Variants in OR1J2 observed in about 807,000 individuals in gnomAD.
OR1J2 encodes the protein olfactory receptor family 1 subfamily J member 2.
For missense variants in OR1J2, 304 were observed against 246.1 expected (o/e 1.24, Z -1.57); for synonymous variants, 142 against 99.7 (o/e 1.42, Z -2.52).
the OR1J2 span, chr9:122,477,751 A>T: frequency 3.1e-6 from 5 of 1,614,122 alleles, no homozygotes. Context: ...GAAGAAGTAC[A>T]TGGGGGTGTG....
chr9:122,532,902 CA>C, the OR1J2 span, among the ~76,000 whole-genome samples: 1 of 151,974 alleles, frequency 6.6e-6, no homozygotes, highest in Non-Finnish European at 1.5e-5. Context: ...ACACGATCAG[CA>C]GGGAGAGCAC....
At chr9:122,468,742 G>C in the OR1J2 span, among the ~76,000 whole-genome samples, 1 of 152,216 alleles carries the variant, frequency 6.6e-6, no homozygotes, top group Non-Finnish European at 1.5e-5. Flanking sequence ...CTCCCTGACT[G>C]TGTTTTTTCC....
the OR1J2 span, among the ~76,000 whole-genome samples, chr9:122,479,221 C>T: frequency 6.6e-6 from 1 of 152,190 alleles, no homozygotes; most frequent in Non-Finnish European, 1.5e-5. Flanking sequence ...TGAGATTTCA[C>T]ATTCAGTGGA....
At chr9:122,503,475 C>T in the OR1J2 span, among the ~76,000 whole-genome samples, 3 of 152,330 alleles carry the variant, frequency 2.0e-5, no homozygotes, top group Non-Finnish European at 2.9e-5. Context: ...TCTACCTCCA[C>T]GGCCACAGGA....
At chr9:122,472,596 C>G in the OR1J2 span, among the ~76,000 whole-genome samples, 1 of 152,150 alleles carries the variant, frequency 6.6e-6, no homozygotes, top group African/African-American at 2.4e-5. Context: ...TTCAAAGACC[C>G]AAAGTTCATA....
At chr9:122,520,856 G>C in the OR1J2 span, among the ~76,000 whole-genome samples, 2 of 152,172 alleles carry the variant, frequency 1.3e-5, no homozygotes, top group Non-Finnish European at 2.9e-5. Flanking sequence ...ATATGCCCAA[G>C]TCATCTTTTA....
the OR1J2 span, among the ~76,000 whole-genome samples, chr9:122,533,817 C>T: frequency 6.6e-6 from 1 of 151,984 alleles, no homozygotes; most frequent in Non-Finnish European, 1.5e-5. Context: ...ACGGACTTAC[C>T]CTCCACTCTG....
chr9:122,541,620 C>T, the OR1J2 span, among the ~76,000 whole-genome samples: 1 of 152,158 alleles, frequency 6.6e-6, no homozygotes, highest in African/African-American at 2.4e-5. Flanking sequence ...AAATGCACAG[C>T]CCTTTATCTA....
the OR1J2 span, among the ~76,000 whole-genome samples, chr9:122,525,872 A>T: frequency 6.6e-6 from 1 of 152,206 alleles, no homozygotes; most frequent in Non-Finnish European, 1.5e-5. Context: ...TTAATGCCAC[A>T]AACAAAACAA....
chr9:122,545,604 T>C, the OR1J2 span, among the ~76,000 whole-genome samples: 1 of 152,112 alleles, frequency 6.6e-6, no homozygotes, highest in South Asian at 2.1e-4. Flanking sequence ...TGTCTTGAAG[T>C]CTATATTGTC....
chr9:122,551,891 C>A, the OR1J2 span, among the ~76,000 whole-genome samples: 2 of 152,040 alleles, frequency 1.3e-5, no homozygotes, highest in African/African-American at 4.8e-5. Flanking sequence ...ACTCAATAGA[C>A]CCCGACTTTA....
chr9:122,548,344 G>A, the OR1J2 span, among the ~76,000 whole-genome samples: 1 of 152,124 alleles, frequency 6.6e-6, no homozygotes, highest in Non-Finnish European at 1.5e-5. Context: ...TTAATCTCAA[G>A]TTCTGTCCTT....
chr9:122,481,475 T>C, the OR1J2 span, among the ~76,000 whole-genome samples: 1 of 151,554 alleles, frequency 6.6e-6, no homozygotes, highest in African/African-American at 2.4e-5. Flanking sequence ...AGAGAACTCC[T>C]ATAAATCAAT....
At chr9:122,559,186 C>T in the OR1J2 span, among the ~76,000 whole-genome samples, 1 of 152,246 alleles carries the variant, frequency 6.6e-6, no homozygotes, top group African/African-American at 2.4e-5. Context: ...TGTTGACTAA[C>T]CTATCCCTGT....
At chr9:122,489,647 G>C in the OR1J2 span, among the ~76,000 whole-genome samples, 1 of 152,208 alleles carries the variant, frequency 6.6e-6, no homozygotes, top group Non-Finnish European at 1.5e-5. Context: ...TTGAAATAGA[G>C]ATTTCTCCGA....
upstream of OR1J2, among the ~76,000 whole-genome samples, chr9:122,507,121 CTGTT>C (rs957610995): frequency 1.4e-4 from 21 of 152,186 alleles, no homozygotes; most frequent in Admixed American, 4.6e-4. Context: ...TTTCAAGGGT[CTGTT>C]TGTTGAATGA....
At chr9:122,542,795 T>C in the OR1J2 span, among the ~76,000 whole-genome samples, 3,772 of 152,290 alleles carry the variant, frequency 0.025, 168 homozygotes, top group African/African-American at 0.087. Context: ...CCAAGTCCCA[T>C]GCGGCCAGCC....
chr9:122,508,109 G>A (rs1001751836), upstream of OR1J2, among the ~76,000 whole-genome samples: 2 of 149,428 alleles, frequency 1.3e-5, no homozygotes, highest in African/African-American at 5.0e-5. Context: ...AGGGAGGGAA[G>A]GAGGGAGAGT....
the OR1J2 span, among the ~76,000 whole-genome samples, chr9:122,537,277 A>G: frequency 4.6e-5 from 7 of 152,222 alleles, no homozygotes; most frequent in Non-Finnish European, 1.0e-4. Context: ...CTGCTATACA[A>G]TGTCTGGAAT....
Sources: gnomAD v4.1 joint callset for allele counts (sites outside exome capture counted in the v4.1 genomes callset) on GRCh38, gnomAD v4.1.1 for gene constraint, MANE v1.5 for transcripts, NCBI Gene and HGNC (gene_info 2026-07-23, HGNC 2026-07-21) for gene names.